Variants in MLXIP observed in about 807,000 individuals in gnomAD.
MLXIP encodes the protein MLX interacting protein, also known as MLX-interacting protein.
A neutral mutation model predicts 87.2 loss-of-function variants in MLXIP; 30 were observed. That is an observed-to-expected ratio of 0.34 (90% CI 0.26 to 0.47). MLXIP has a LOEUF of 0.47. Ranked by LOEUF, MLXIP falls within the 20% of genes least tolerant of loss-of-function variation. MLXIP has a pLI of 1.00. For synonymous variants in MLXIP, 530 were observed against 514.0 expected (o/e 1.03, Z -0.42); for missense variants, 1,002 against 1,240.1 (o/e 0.81, Z 2.88).
In MLXIP at chr12:122,135,590, A is replaced by G. The variant is rs1390861606; in HGVS notation, c.1956A>G (p.Thr652=). The G allele has an allele frequency of 1.3e-6, 2 of 1,589,946 alleles. No individual in the cohort carries two copies. The highest frequency in any genetic ancestry group is 1.8e-5 in the Admixed American group (1 of 56,470). ...PAPVSRLFPS[T]AQDPLGKGEQ... is the part of the protein sequence containing the mutation. Reference sequence around the variant, plus strand: ...CCGTCTCCCGGCTCTTCCCAAGCACAGCGCAAGACCCCCTGGGGAAGGGCG... The same window carrying G: ...CCGTCTCCCGGCTCTTCCCAAGCACGGCGCAAGACCCCCTGGGGAAGGGCG... The change falls in exon 11 of 17, where the codon ACA becomes ACG. Residue 652 remains threonine, a synonymous_variant. Coordinates refer to ENST00000319080, the MANE Select transcript of MLXIP (RefSeq NM_014938.6). This position sits in a 1 kb window ranked among gnomAD's most constrained non-coding sequence, Gnocchi z 5.3.
chr12:122,093,070 GGT>G (rs1156852565), intron 1 of MLXIP, among the ~76,000 whole-genome samples: 37 of 141,530 alleles, frequency 2.6e-4, no homozygotes, highest in Non-Finnish European at 1.8e-4. Flanking sequence ...TGCATGTGTT[GGT>G]GTGTTTGCTG....
In MLXIP at chr12:122,145,001, A is replaced by G. The variant is rs957303608; in HGVS notation, c.*3189A>G. ...ATTGCCCTGTGCTGTCAGCCCCTGC[A>G]CTGCACTGCTGCCTTCCATGGTGGG... On this transcript the variant is annotated 3_prime_UTR_variant, in exon 17 of 17. Transcript: ENST00000319080. 12 of 152,438 alleles carry G rather than the reference A, an allele frequency of 7.9e-5. No homozygotes were observed. The highest frequency in any genetic ancestry group is 1.4e-4 in the African/African-American group (6 of 41,598). 9.4% of individuals were successfully genotyped at this position (152,438 alleles called of 1,614,324 possible).
At chr12:122,083,818 GGTACT>G (rs1281264727) in intron 1 of MLXIP, among the ~76,000 whole-genome samples, 1 of 152,206 alleles carries the variant, frequency 6.6e-6, no homozygotes. Context: ...TTTCAGTAGA[GGTACT>G]GTCTAATGCT....
chr12:122,142,121 C>T lies in MLXIP; in HGVS notation c.*309C>T, dbSNP rs1459315886. 2.9e-6 allele frequency: 2 copies of T among 701,676 alleles called. No individual in the cohort carries two copies. The highest frequency in any genetic ancestry group is 5.2e-6 in the Non-Finnish European group (2 of 385,370). 43.5% of individuals were successfully genotyped at this position (701,676 alleles called of 1,614,324 possible). A position where few individuals can be genotyped will look rare whatever the true frequency, so the allele number is the denominator to read the frequency against. ...TGCTGGCCGTGCTGGTCCTGCCCTGCTGGTGGCCTGCCGGGCCTGGCGCCG... is the reference window on the plus strand; with the variant it reads ...TGCTGGCCGTGCTGGTCCTGCCCTGTTGGTGGCCTGCCGGGCCTGGCGCCG... On this transcript the variant is annotated 3_prime_UTR_variant, in exon 17 of 17. Transcript: ENST00000319080.
intron 1 of MLXIP, among the ~76,000 whole-genome samples, chr12:122,088,639 T>G (rs1952202771): frequency 6.6e-6 from 1 of 152,094 alleles, no homozygotes; most frequent in Non-Finnish European, 1.5e-5. Flanking sequence ...GTTTTCAGGC[T>G]TTGGAGAAGG....
At chr12:122,134,582 T>C (rs1397509668) in intron 9 of MLXIP, 1 of 155,916 alleles carries the variant, frequency 6.4e-6, no homozygotes, top group Non-Finnish European at 1.4e-5. Flanking sequence ...TTGGCCAGGC[T>C]GGTCTCGAAC....
chr12:122,104,526 T>G (rs1952490003), intron 1 of MLXIP, among the ~76,000 whole-genome samples: 1 of 152,158 alleles, frequency 6.6e-6, no homozygotes, highest in African/African-American at 2.4e-5. Context: ...TAGATGTATT[T>G]GATTTATCTT....
intron 8 of MLXIP, 178 bp downstream of exon 8, chr12:122,132,561 C>T: frequency 1.7e-6 from 1 of 592,096 alleles, no homozygotes; most frequent in Non-Finnish European, 3.0e-6. Flanking sequence ...TTTACAGCAT[C>T]CTTCAGCACC....
At chr12:122,138,148 G>T in intron 12 of MLXIP, 46 bp from the exon 13 acceptor site, 1 of 1,506,906 alleles carries the variant, frequency 6.6e-7, no homozygotes, top group East Asian at 2.4e-5. Context: ...GGTGGACAGT[G>T]TGCCTGCAAT....
chr12:122,125,836 T>C (rs1407589537), intron 1 of MLXIP, among the ~76,000 whole-genome samples: 1 of 152,208 alleles, frequency 6.6e-6, no homozygotes, highest in African/African-American at 2.4e-5. Flanking sequence ...CCTGGGCTCC[T>C]TGGGGGTTTG....
At position 122,138,435 on chromosome 12, in the gene MLXIP, C is replaced by G; in HGVS notation, c.2268C>G (p.Ala756=). The change falls in exon 14 of 17, where the codon GCC becomes GCG. Residue 756 remains alanine, a synonymous_variant. Coordinates refer to ENST00000319080, the MANE Select transcript of MLXIP (RefSeq NM_014938.6). ...ISNNSKLTSH[A]ITLQKTVEYI... ...TGCCCCTTCTGCAGACCAGTCACGC[C>G]ATCACACTGCAGAAGACTGTGGAGT... 1 of 1,613,832 alleles carries G rather than the reference C, an allele frequency of 6.2e-7. No homozygotes were observed.
At chr12:122,115,194 TAATC>T (rs1359941652) in intron 1 of MLXIP, among the ~76,000 whole-genome samples, 1 of 152,198 alleles carries the variant, frequency 6.6e-6, no homozygotes, top group African/African-American at 2.4e-5. Flanking sequence ...ATATATATTT[TAATC>T]AATAAAACTA....
chr12:122,085,261 G>A (rs368787350), intron 1 of MLXIP, among the ~76,000 whole-genome samples: 2 of 151,308 alleles, frequency 1.3e-5, no homozygotes, highest in Non-Finnish European at 2.9e-5. Context: ...ATGTGATCCC[G>A]GCTTACCAGA....
chr12:122,108,853 A>C (rs185532124), intron 1 of MLXIP, among the ~76,000 whole-genome samples: 6 of 152,302 alleles, frequency 3.9e-5, no homozygotes, highest in Admixed American at 3.9e-4. Context: ...ATTCCATTTT[A>C]GTCTATTCTT....
intron 1 of MLXIP, among the ~76,000 whole-genome samples, chr12:122,101,469 T>G (rs1952434586): frequency 6.6e-6 from 1 of 151,384 alleles, no homozygotes; most frequent in Non-Finnish European, 1.5e-5. Flanking sequence ...CTTTTCATGC[T>G]TTTTGTGTTG....
intron 1 of MLXIP, among the ~76,000 whole-genome samples, chr12:122,098,474 T>C (rs529584198): frequency 6.6e-6 from 1 of 152,308 alleles, no homozygotes; most frequent in African/African-American, 2.4e-5. Flanking sequence ...ACTGGAAATA[T>C]ATCAGTGAGA....
intron 1 of MLXIP, among the ~76,000 whole-genome samples, chr12:122,084,155 T>C (rs1952132436): frequency 7.6e-6 from 1 of 131,018 alleles, no homozygotes; most frequent in African/African-American, 3.2e-5. Context: ...TGTGTGTGTG[T>C]GTGTGTGTGT....
intron 1 of MLXIP, among the ~76,000 whole-genome samples, chr12:122,098,360 G>A (rs1018147767): frequency 2.0e-5 from 3 of 152,204 alleles, no homozygotes; most frequent in Admixed American, 6.6e-5. Flanking sequence ...AGCCACCCCC[G>A]CTGAGCAACT....
Position 122,129,970 on chromosome 12 carries a change from C to G in MLXIP, c.768C>G (p.His256Gln), listed in dbSNP as rs780810877. 6.2e-7 allele frequency: 1 copy of G among 1,613,636 alleles called. No individual in the cohort carries two copies. Among genetic ancestry groups the G allele is most frequent in the African/African-American group, 1.3e-5 (1 of 74,910 alleles). The change falls in exon 6 of 17, where the codon CAC (histidine) becomes CAG (glutamine). Residue 256 changes from histidine (H) to glutamine (Q), a missense_variant. His to Gln is a conservative substitution (Grantham distance 24). Transcript: ENST00000319080. ...QDDDMLYWHK[H>Q]GDGWKTPVPM... is the part of the protein sequence containing the mutation. ...ATGACATGCTGTATTGGCACAAGCA[C>G]GGGGATGGATGGAAGACCCCCGTCC...
Sources: allele counts gnomAD v4.1 joint callset (sites outside exome capture counted in the v4.1 genomes callset), GRCh38; gene constraint gnomAD v4.1.1; non-coding constraint Gnocchi (gnomAD v3.1); transcripts MANE v1.5; gene names NCBI Gene and HGNC (gene_info 2026-07-23, HGNC 2026-07-21).